Variants in DAZAP1 observed in about 807,000 individuals in gnomAD.
The protein encoded by DAZAP1 is DAZ-associated protein 1.
Under a neutral mutation model 60.1 loss-of-function variants are expected in DAZAP1, and 6 were observed. The ratio of observed to expected loss-of-function variants is 0.10; its 90% confidence interval spans 0.05 to 0.20. The LOEUF is 0.20. Ranked by LOEUF, DAZAP1 falls within the 10% of genes least tolerant of loss-of-function variation. The pLI is 1.00. For synonymous variants in DAZAP1, 235 were observed against 215.9 expected, an observed-to-expected ratio of 1.09 and a Z score of -0.78; for missense variants, 366 against 560.4, an observed-to-expected ratio of 0.65 and a Z score of 3.50.
In DAZAP1 at chr19:1,434,027, G is replaced by C. The variant is rs758162939; in HGVS notation, c.1049-710G>C. Reference sequence around the variant, plus strand: ...AGAGCCCACGCCCACCTGTGCCCACGTGCACCCGAATGGGAACCCAGAGGT... The same window carrying C: ...AGAGCCCACGCCCACCTGTGCCCACCTGCACCCGAATGGGAACCCAGAGGT... On this transcript the variant is annotated intron_variant, in intron 11 of 11. Coordinates refer to ENST00000233078, the MANE Select transcript of DAZAP1 (RefSeq NM_018959.4). This position sits in a 1 kb window ranked among gnomAD's most constrained non-coding sequence, Gnocchi z 8.0. 3.4e-6 allele frequency: 2 copies of C among 593,488 alleles called. No individual in the cohort carries two copies. The highest frequency in any genetic ancestry group is 6.0e-6 in the Non-Finnish European group (2 of 334,446). 36.8% of individuals were successfully genotyped at this position (593,488 alleles called of 1,614,324 possible).
rs563413405 is a variant in DAZAP1 at position 1,428,680 on chromosome 19, T to A, written c.547-162T>A. 1.1e-6 allele frequency: 1 copy of A among 896,150 alleles called. No individual in the cohort carries two copies. The highest frequency in any genetic ancestry group is 2.0e-5 in the South Asian group (1 of 51,178). The allele number at this position is 896,150 out of a possible 1,614,324, so 55.5% of individuals were successfully genotyped here. A position where few individuals can be genotyped will look rare whatever the true frequency, so the allele number is the denominator to read the frequency against. Reference sequence around the variant, plus strand: ...AAAAATTCAACACAAAAGAATTTTTTAAGAAAAAAATGCTACTGGCCTAAA... The same window carrying A: ...AAAAATTCAACACAAAAGAATTTTTAAAGAAAAAAATGCTACTGGCCTAAA... On this transcript the variant is annotated intron_variant, in intron 7 of 11. Transcript: ENST00000233078. The surrounding 1 kb of genome is among the most constrained non-coding windows in gnomAD (Gnocchi z 4.0).
In DAZAP1 at chr19:1,418,155, T is replaced by A; in HGVS notation, c.71-49T>A. The A allele has an allele frequency of 6.2e-7, 1 of 1,603,826 alleles. No individual in the cohort carries two copies. ...CCGGCAGCACTGCCAGGCACGTGCC[T>A]AATGCTCTGGCCCTGTGTGTTTGTG... is the stretch of plus-strand genomic sequence containing the variant. On this transcript the variant is annotated intron_variant, in intron 2 of 11. Transcript: ENST00000233078. The surrounding 1 kb of genome is among the most constrained non-coding windows in gnomAD (Gnocchi z 5.7).
chr19:1,429,071 C>T (rs1023879322), intron 8 of DAZAP1, 76 bp downstream of exon 8: 33 of 1,449,096 alleles, frequency 2.3e-5, no homozygotes, highest in South Asian at 1.6e-4. Context: ...GCTGTGCCGT[C>T]GCTGCGGCCT....
intron 1 of DAZAP1, among the ~76,000 whole-genome samples, chr19:1,412,459 C>A (rs943298880): frequency 6.6e-6 from 1 of 152,222 alleles, no homozygotes; most frequent in Non-Finnish European, 1.5e-5. Flanking sequence ...TGGCGGAGCC[C>A]AGAGCCAGGT....
Position 1,428,816 on chromosome 19 carries a change from C to A in DAZAP1, c.547-26C>A. 2 of 1,612,700 alleles carry A rather than the reference C, an allele frequency of 1.2e-6. No individual in the cohort carries two copies. The highest frequency in any genetic ancestry group is 2.2e-5 in the South Asian group (2 of 91,050). On this transcript the variant is annotated intron_variant, in intron 7 of 11. Coordinates refer to ENST00000233078, the MANE Select transcript of DAZAP1 (RefSeq NM_018959.4). The surrounding 1 kb of genome is among the most constrained non-coding windows in gnomAD (Gnocchi z 4.0). ...GGGGTGCTGGGACCCGCAGCCTCGC[C>A]CTAAACCAGAGCTCGGTTTGTTTAG...
At position 1,418,078 on chromosome 19, in the gene DAZAP1, C is replaced by A; in HGVS notation, c.71-126C>A. 1.1e-6 allele frequency: 1 copy of A among 935,608 alleles called. No individual in the cohort carries two copies. Among genetic ancestry groups the A allele is most frequent in the Non-Finnish European group, 1.6e-6 (1 of 612,956 alleles). The allele number at this position is 935,608 out of a possible 1,614,324, so 58.0% of individuals were successfully genotyped here. A position where few individuals can be genotyped will look rare whatever the true frequency, so the allele number is the denominator to read the frequency against. ...CAGCGCTTCCCGTACACCCCCCACC[C>A]CCAGTGCAGCATCGCTCGGTGCGTG... On this transcript the variant is annotated intron_variant, in intron 2 of 11. Coordinates refer to ENST00000233078, the MANE Select transcript of DAZAP1 (RefSeq NM_018959.4). This position sits in a 1 kb window ranked among gnomAD's most constrained non-coding sequence, Gnocchi z 5.7.
rs566975548 is a variant in DAZAP1, at chr19:1,434,987, G to C, written c.*75G>C. 1.3e-5 allele frequency: 7 copies of C among 528,804 alleles called. No individual in the cohort carries two copies. The South Asian group carries it at 3.2e-4, about 24-fold the overall frequency. 32.8% of individuals were successfully genotyped at this position (528,804 alleles called of 1,614,324 possible). A position where few individuals can be genotyped will look rare whatever the true frequency, so the allele number is the denominator to read the frequency against. ...GTGAACTCGTGACAATCACAAACTT[G>C]GCGGCAAAGTGGCGACTCAACCTTG... On this transcript the variant is annotated 3_prime_UTR_variant, in exon 12 of 12. Transcript: ENST00000233078. This position sits in a 1 kb window ranked among gnomAD's most constrained non-coding sequence, Gnocchi z 8.0.
At position 1,418,526 on chromosome 19, in the gene DAZAP1, T is replaced by TATA; in HGVS notation, c.238-140_238-139insATA. 7.0e-7 allele frequency: 1 copy of TATA among 1,425,262 alleles called. No homozygotes were observed. 88.3% of individuals were successfully genotyped at this position (1,425,262 alleles called of 1,614,324 possible). A position where few individuals can be genotyped will look rare whatever the true frequency, so the allele number is the denominator to read the frequency against. On this transcript the variant is annotated intron_variant, in intron 3 of 11. Coordinates refer to ENST00000233078, the MANE Select transcript of DAZAP1 (RefSeq NM_018959.4). This position sits in a 1 kb window ranked among gnomAD's most constrained non-coding sequence, Gnocchi z 5.7. ...AAGCCTTGGTGCTGAGGCTGGATAT[T>TATA]GCAGGAGGATACAGGGTGAATGGAG...
Position 1,428,676 on chromosome 19 carries a change from T to C in DAZAP1, c.547-166T>C. ...ACAAAAAAATTCAACACAAAAGAAT[T>C]TTTTAAGAAAAAAATGCTACTGGCC... On this transcript the variant is annotated intron_variant, in intron 7 of 11. Transcript: ENST00000233078. This position sits in a 1 kb window ranked among gnomAD's most constrained non-coding sequence, Gnocchi z 4.0. 1.1e-6 allele frequency: 1 copy of C among 879,116 alleles called. No homozygotes were observed. Among genetic ancestry groups the C allele is most frequent in the South Asian group, 2.0e-5 (1 of 50,710 alleles). 54.5% of individuals were successfully genotyped at this position (879,116 alleles called of 1,614,324 possible). A position where few individuals can be genotyped will look rare whatever the true frequency, so the allele number is the denominator to read the frequency against.
intron 4 of DAZAP1, among the ~76,000 whole-genome samples, chr19:1,419,190 CAG>C (rs1175094262): frequency 1.3e-5 from 2 of 152,256 alleles, no homozygotes; most frequent in African/African-American, 4.8e-5. Context: ...GCCTGGCCGA[CAG>C]GGCACTGTCC....
chr19:1,424,780 A>G (rs1257780403), intron 6 of DAZAP1, among the ~76,000 whole-genome samples: 1 of 151,932 alleles, frequency 6.6e-6, no homozygotes, highest in Non-Finnish European at 1.5e-5. Flanking sequence ...TCCCATGTCC[A>G]TCTTTGTTCT....
rs1403466129 is a variant in DAZAP1, at chr19:1,428,705, A to G, written c.547-137A>G. On this transcript the variant is annotated intron_variant, in intron 7 of 11. Coordinates refer to ENST00000233078, the MANE Select transcript of DAZAP1 (RefSeq NM_018959.4). This position sits in a 1 kb window ranked among gnomAD's most constrained non-coding sequence, Gnocchi z 4.0. ...TAAGAAAAAAATGCTACTGGCCTAAATAAGGTTTATAGTTAAGTATTTAGT... is the reference window on the plus strand; with the variant it reads ...TAAGAAAAAAATGCTACTGGCCTAAGTAAGGTTTATAGTTAAGTATTTAGT... The G allele has an allele frequency of 2.8e-6, 3 of 1,078,848 alleles. No homozygotes were observed. The highest frequency in any genetic ancestry group is 4.0e-6 in the Non-Finnish European group (3 of 755,170). The allele number at this position is 1,078,848 out of a possible 1,614,324, so 66.8% of individuals were successfully genotyped here.
chr19:1,435,114 A>T lies in DAZAP1; in HGVS notation c.*202A>T, dbSNP rs1189793781. The T allele has an allele frequency of 5.7e-6, 2 of 353,126 alleles. No individual in the cohort carries two copies. The highest frequency in any genetic ancestry group is 9.9e-6 in the Non-Finnish European group (2 of 201,382). 21.9% of individuals were successfully genotyped at this position (353,126 alleles called of 1,614,324 possible). On this transcript the variant is annotated 3_prime_UTR_variant, in exon 12 of 12. Transcript: ENST00000233078. ...TCTTTCTCTAACCCATCAGCACAAT[A>T]AAAAAAAGTCACTGGTTCAACAACA...
At position 1,433,643 on chromosome 19, in the gene DAZAP1, G is replaced by C; in HGVS notation, c.1048+953G>C. 2.0e-6 allele frequency: 2 copies of C among 975,884 alleles called. No homozygotes were observed. The highest frequency in any genetic ancestry group is 1.4e-5 in the South Asian group (1 of 73,420). 60.5% of individuals were successfully genotyped at this position (975,884 alleles called of 1,614,324 possible). On this transcript the variant is annotated intron_variant, in intron 11 of 11. Transcript: ENST00000233078. This position sits in a 1 kb window ranked among gnomAD's most constrained non-coding sequence, Gnocchi z 6.1. ...CCCTGGCGTGTCTGAGACTGGCAGGGGGGTGTGAGGCGCCCGGTTGGGGCG... is the reference window on the plus strand; with the variant it reads ...CCCTGGCGTGTCTGAGACTGGCAGGCGGGTGTGAGGCGCCCGGTTGGGGCG...
At position 1,432,541 on chromosome 19, in the gene DAZAP1, C is replaced by G; in HGVS notation, c.899C>G (p.Pro300Arg). 5 of 1,613,808 alleles carry G rather than the reference C, an allele frequency of 3.1e-6. No individual in the cohort carries two copies. Among genetic ancestry groups the G allele is most frequent in the Non-Finnish European group, 4.2e-6 (5 of 1,179,988 alleles). ...TTTGGCTACGGGCCTCCACCTCCAC[C>G]GCCAGATCAGTTTGCCCCTCCGGGG... The part of the protein sequence containing the change: ...FSFGYGPPPP[P>R]PDQFAPPGVP... Residue 300 changes from proline (P) to arginine (R), a missense_variant, in exon 11 of 12, where the codon CCG (proline) becomes CGG (arginine). By Grantham distance (103) the Pro-to-Arg change is moderately radical. This residue lies in a region of DAZAP1 where 240 missense variants were observed against 308.8 expected (regional missense o/e 0.78). Transcript: ENST00000233078. This position sits in a 1 kb window ranked among gnomAD's most constrained non-coding sequence, Gnocchi z 4.9.
rs2082702164 is a variant in DAZAP1 at position 1,407,632 on chromosome 19, G to A, written c.-142G>A. Reference sequence around the variant, plus strand: ...AGGGGAGGAGGCAGCCGCCGCCGCCGCCGCCGCCGCCGCCGCCGCCGCCGC... The same window carrying A: ...AGGGGAGGAGGCAGCCGCCGCCGCCACCGCCGCCGCCGCCGCCGCCGCCGC... On this transcript the variant is annotated 5_prime_UTR_variant, in exon 1 of 12. Transcript: ENST00000233078. 6.2e-6 allele frequency: 5 copies of A among 800,284 alleles called. No homozygotes were observed. The highest frequency in any genetic ancestry group is 7.6e-6 in the Non-Finnish European group (5 of 661,982). The allele number at this position is 800,284 out of a possible 1,614,324, so 49.6% of individuals were successfully genotyped here.
At chr19:1,413,734 C>G (rs557232658) in intron 1 of DAZAP1, among the ~76,000 whole-genome samples, 10 of 152,162 alleles carry the variant, frequency 6.6e-5, no homozygotes, top group Non-Finnish European at 1.3e-4. Context: ...GTGGGGAGCT[C>G]CAGACACAGC....
intron 1 of DAZAP1, 65 bp downstream of exon 1, chr19:1,407,867 G>A: frequency 9.6e-7 from 1 of 1,042,610 alleles, no homozygotes; most frequent in Non-Finnish European, 1.2e-6. Flanking sequence ...CCCGCCGCCC[G>A]GCCTCAGACG....
At chr19:1,417,349 A>G (rs2083016454) in intron 1 of DAZAP1, 151 bp from the exon 2 acceptor site, 4 of 823,604 alleles carry the variant, frequency 4.9e-6, no homozygotes, top group Non-Finnish European at 6.0e-6. Flanking sequence ...CTGACTCGCC[A>G]TTGCTGTGAG....
Sources: gnomAD v4.1 joint callset for allele counts (sites outside exome capture counted in the v4.1 genomes callset) on GRCh38, gnomAD v4.1.1 for gene constraint, gnomAD v4.1.1 regional missense constraint, Gnocchi (gnomAD v3.1) non-coding constraint, MANE v1.5 for transcripts, NCBI Gene and HGNC (gene_info 2026-07-23, HGNC 2026-07-21) for gene names.